The following SBK1 variants were observed in gnomAD, a reference collection of about 807,000 sequenced individuals.
SBK1 encodes serine/threonine-protein kinase SBK1.
In SBK1, 11 loss-of-function variants were observed where a neutral mutation model predicts 24.4. That is an observed-to-expected ratio of 0.45 (90% confidence interval 0.28 to 0.75). SBK1 has a LOEUF of 0.75. SBK1 is among the 30% of genes least tolerant of loss of function. The pLI is 0.12. For missense variants in SBK1, 467 were observed against 620.5 expected (o/e 0.75, Z 2.63); for synonymous variants, 308 against 284.4 (o/e 1.08, Z -0.83).
At chr16:28,303,083 C>G (rs1380979852) in intron 1 of SBK1, among the ~76,000 whole-genome samples, 1 of 150,230 alleles carries the variant, frequency 6.7e-6, no homozygotes, top group East Asian at 2.0e-4. Flanking sequence ...GAAGGACTTG[C>G]CCCCAGACAG....
At chr16:28,295,084 G>A (rs2044629132) in intron 1 of SBK1, among the ~76,000 whole-genome samples, 1 of 152,190 alleles carries the variant, frequency 6.6e-6, no homozygotes, top group African/African-American at 2.4e-5. Flanking sequence ...GAAGCCCAGG[G>A]CTTTGTCACA....
intron 1 of SBK1, among the ~76,000 whole-genome samples, chr16:28,314,872 G>C (rs1405654178): frequency 6.6e-6 from 1 of 152,128 alleles, no homozygotes; most frequent in African/African-American, 2.4e-5. Flanking sequence ...CCAGCTACTT[G>C]GGAGGCTGAG....
chr16:28,271,903 G>A (rs932976076), intron 1 of SBK1, among the ~76,000 whole-genome samples: 2 of 152,188 alleles, frequency 1.3e-5, no homozygotes, highest in East Asian at 1.9e-4. Flanking sequence ...GTGAAGAGAA[G>A]CCACAGAATG....
chr16:28,295,959 C>G (rs1287022951), intron 1 of SBK1, among the ~76,000 whole-genome samples: 2 of 138,412 alleles, frequency 1.4e-5, no homozygotes, highest in African/African-American at 5.4e-5. Context: ...GAGTTTCACT[C>G]TTGTTGCCCG....
chr16:28,274,197 G>A (rs1177240807), intron 1 of SBK1, among the ~76,000 whole-genome samples: 2 of 152,172 alleles, frequency 1.3e-5, no homozygotes, highest in South Asian at 2.1e-4. Flanking sequence ...GAGCCCCGAT[G>A]ATGTAACATA....
chr16:28,315,128 CAT>C (rs1361582419), intron 1 of SBK1, among the ~76,000 whole-genome samples: 2 of 152,058 alleles, frequency 1.3e-5, no homozygotes, highest in African/African-American at 2.4e-5. Context: ...GATACATACT[CAT>C]GTGTGCCTGC....
intron 1 of SBK1, among the ~76,000 whole-genome samples, chr16:28,271,360 C>CT (rs2044464581): frequency 6.6e-6 from 1 of 152,108 alleles, no homozygotes; most frequent in Non-Finnish European, 1.5e-5. Flanking sequence ...AGTTGAAGAC[C>CT]AGCCTGGCCA....
chr16:28,269,238 T>A (rs981478304), intron 1 of SBK1, among the ~76,000 whole-genome samples: 5 of 151,706 alleles, frequency 3.3e-5, no homozygotes, highest in African/African-American at 1.2e-4. Flanking sequence ...TTTCACCATG[T>A]TAGTCAGGCT....
intron 1 of SBK1, among the ~76,000 whole-genome samples, chr16:28,269,329 C>G (rs1398852883): frequency 6.6e-6 from 1 of 152,000 alleles, no homozygotes; most frequent in African/African-American, 2.4e-5. Context: ...GCCACCATGC[C>G]TGGCCTGCAA....
At chr16:28,304,888 G>A (rs1464283879) in intron 1 of SBK1, among the ~76,000 whole-genome samples, 1 of 152,058 alleles carries the variant, frequency 6.6e-6, no homozygotes, top group East Asian at 1.9e-4. Flanking sequence ...GATTACAAGC[G>A]TGAGCCACCG....
At chr16:28,318,308 T>C (rs897703704) in intron 2 of SBK1, among the ~76,000 whole-genome samples, 1 of 152,244 alleles carries the variant, frequency 6.6e-6, no homozygotes, top group Non-Finnish European at 1.5e-5. Context: ...CCAGGGGCTT[T>C]GTGCTAACTG....
At chr16:28,312,993 G>C (rs1010407051) in intron 1 of SBK1, among the ~76,000 whole-genome samples, 1 of 152,210 alleles carries the variant, frequency 6.6e-6, no homozygotes, top group African/African-American at 2.4e-5. Flanking sequence ...AATTAGGCAT[G>C]GTGGCACATG....
At chr16:28,275,913 C>G (rs145086236) in intron 1 of SBK1, among the ~76,000 whole-genome samples, 4 of 147,826 alleles carry the variant, frequency 2.7e-5, no homozygotes, top group East Asian at 2.0e-4. Context: ...AAGGAAGGAA[C>G]GAAGGAAGGA....
intron 1 of SBK1, among the ~76,000 whole-genome samples, chr16:28,272,694 T>A (rs2044473737): frequency 6.8e-6 from 1 of 146,878 alleles, no homozygotes; most frequent in South Asian, 2.2e-4. Context: ...TGATCTTGGC[T>A]CACTGCAACC....
At position 28,318,996 on chromosome 16, in the gene SBK1, C is replaced by A. The variant is rs56276220; in HGVS notation, c.228C>A (p.Gly76=). 16,465 of 1,613,658 alleles carry A rather than the reference C, an allele frequency of 0.01. 140 individuals are homozygous for A. Among genetic ancestry groups the A allele is most frequent in the Middle Eastern group, 0.026 (158 of 6,058 alleles). The part of the protein sequence containing the change: ...KVDLVVYKGT[G]TKMALKFVNK... ...CCCTGTTGCTGTTGCTCCCATCAGG[C>A]ACAAAAATGGCACTGAAGTTTGTGA... Residue 76 remains glycine, a splice_region_variant and synonymous_variant, in exon 3 of 4, where the codon GGC becomes GGA. Transcript: ENST00000341901.
In SBK1 at chr16:28,259,364, C is replaced by A; in HGVS notation, c.119C>A (p.Pro40His). 2.5e-6 allele frequency: 2 copies of A among 786,046 alleles called. No homozygotes were observed. The highest frequency in any genetic ancestry group is 3.1e-6 in the Non-Finnish European group (2 of 648,082). 48.7% of individuals were successfully genotyped at this position (786,046 alleles called of 1,614,324 possible). A position where few individuals can be genotyped will look rare whatever the true frequency, so the allele number is the denominator to read the frequency against. The change falls in exon 1 of 4, where the codon CCT becomes CAT. Residue 40 changes from proline to histidine, a missense_variant. Coordinates refer to the SBK1 transcript ENST00000671413. This position sits in a 1 kb window ranked among gnomAD's most constrained non-coding sequence, Gnocchi z 6.0. The stretch of plus-strand genomic sequence containing the variant: ...GGCGATGATGCTGCGGAGGCCACCC[C>A]TGGCCACCCCTGCCCTGTCCTGGAG...
At chr16:28,296,597 C>A (rs1359674235) in intron 1 of SBK1, among the ~76,000 whole-genome samples, 1 of 152,150 alleles carries the variant, frequency 6.6e-6, no homozygotes, top group African/African-American at 2.4e-5. Context: ...TGTTCCCTCC[C>A]ACCCCCATGG....
At chr16:28,273,602 A>G (rs1304938825) in intron 1 of SBK1, among the ~76,000 whole-genome samples, 1 of 150,842 alleles carries the variant, frequency 6.6e-6, no homozygotes, top group Admixed American at 6.6e-5. Flanking sequence ...CCACTTGTCC[A>G]TTTCATTTTT....
Position 28,293,037 on chromosome 16 carries a change from G to A in SBK1, c.-271G>A. 1 of 985,648 alleles carries A rather than the reference G, an allele frequency of 1.0e-6. No homozygotes were observed. The highest frequency in any genetic ancestry group is 1.2e-6 in the Non-Finnish European group (1 of 830,036). The allele number at this position is 985,648 out of a possible 1,614,324, so 61.1% of individuals were successfully genotyped here. The stretch of plus-strand genomic sequence containing the variant: ...GAAGACCCAGCTCAGAACGCCCCTA[G>A]ATCAGGGGATCCCAATTCCCCCCAA... On this transcript the variant is annotated 5_prime_UTR_variant, in exon 1 of 4. Coordinates refer to ENST00000341901, the MANE Select transcript of SBK1 (RefSeq NM_001024401.3).
Sources: allele counts gnomAD v4.1 joint callset (sites outside exome capture counted in the v4.1 genomes callset), GRCh38; gene constraint gnomAD v4.1.1; non-coding constraint Gnocchi (gnomAD v3.1); transcripts MANE v1.5; gene names NCBI Gene and HGNC (gene_info 2026-07-23, HGNC 2026-07-21).